The following NCAM1 variants were observed in gnomAD, a reference collection of about 807,000 sequenced individuals.
The protein encoded by NCAM1 is antigen recognized by monoclonal antibody 5.1H11.
NCAM1 carries 14 observed loss-of-function variants against 109.8 expected under a neutral mutation model. That is an observed-to-expected ratio of 0.13 (90% CI 0.08 to 0.20). The LOEUF is 0.20. NCAM1 is among the 10% of genes least tolerant of loss of function. The probability of loss-of-function intolerance (pLI) is 1.00; values close to 1 mark genes in which losing one functional copy is unlikely to be tolerated. For missense variants in NCAM1, 774 were observed against 1,109.9 expected, an observed-to-expected ratio of 0.70 and a Z score of 4.30; for synonymous variants, 418 against 442.9, an observed-to-expected ratio of 0.94 and a Z score of 0.70.
At chr11:113,040,101 C>G (rs2135416068) in intron 1 of NCAM1, among the ~76,000 whole-genome samples, 1 of 152,260 alleles carries the variant, frequency 6.6e-6, no homozygotes. Context: ...GAGATCGCGT[C>G]ACTGCACTCC....
At chr11:113,035,845 A>G (rs1253356193) in intron 1 of NCAM1, among the ~76,000 whole-genome samples, 1 of 152,176 alleles carries the variant, frequency 6.6e-6, no homozygotes, top group Non-Finnish European at 1.5e-5. Flanking sequence ...CATGTCAGGA[A>G]GGAATGTAGA....
intron 1 of NCAM1, among the ~76,000 whole-genome samples, chr11:113,097,799 A>G (rs1555090723): frequency 6.6e-6 from 1 of 152,138 alleles, no homozygotes; most frequent in Admixed American, 6.5e-5. Flanking sequence ...TGGGATTACT[A>G]CTATCATCAT....
At chr11:113,120,544 G>C (rs1192162535) in intron 1 of NCAM1, among the ~76,000 whole-genome samples, 2 of 152,128 alleles carry the variant, frequency 1.3e-5, no homozygotes, top group Non-Finnish European at 1.5e-5. Flanking sequence ...GCCACGCTTT[G>C]CACTGATTCA....
Position 112,961,554 on chromosome 11 carries a change from AG to A in NCAM1, c.-49del, listed in dbSNP as rs145493999. On this transcript the variant is annotated 5_prime_UTR_variant, in exon 1 of 20. Transcript: ENST00000316851. ...CTCAGCCGCCGTCCACACTCGCTGC[AG>A]GGGGGGGGGCACAGAATTTACCGCG... The A allele has an allele frequency of 0.011, 9,561 of 866,524 alleles. No homozygotes were observed. The highest frequency in any genetic ancestry group is 0.013 in the Non-Finnish European group (7,404 of 553,280). 53.7% of individuals were successfully genotyped at this position (866,524 alleles called of 1,614,324 possible). A position where few individuals can be genotyped will look rare whatever the true frequency, so the allele number is the denominator to read the frequency against.
chr11:113,066,003 G>A (rs559427650), intron 1 of NCAM1, among the ~76,000 whole-genome samples: 17 of 152,280 alleles, frequency 1.1e-4, no homozygotes, highest in South Asian at 2.1e-4. Context: ...AGAAGTGTGC[G>A]TGTGAACATT....
intron 1 of NCAM1, among the ~76,000 whole-genome samples, chr11:112,967,791 GT>G (rs1300675811): frequency 6.6e-6 from 1 of 152,186 alleles, no homozygotes; most frequent in Non-Finnish European, 1.5e-5. Context: ...GCAATTCCAT[GT>G]TGGTTGTGAA....
chr11:113,068,996 A>G (rs1221964545), intron 1 of NCAM1, among the ~76,000 whole-genome samples: 2 of 152,210 alleles, frequency 1.3e-5, no homozygotes, highest in Non-Finnish European at 2.9e-5. Context: ...ATGTCCCAGC[A>G]CATGGTACTT....
chr11:113,023,936 G>A (rs958301900), intron 1 of NCAM1, among the ~76,000 whole-genome samples: 2 of 152,096 alleles, frequency 1.3e-5, no homozygotes, highest in Non-Finnish European at 2.9e-5. Flanking sequence ...AAAAAAAATG[G>A]TAAATCACAG....
At chr11:113,027,488 C>A (rs12287147) in intron 1 of NCAM1, among the ~76,000 whole-genome samples, 28,621 of 152,132 alleles carry the variant, frequency 0.19, 3,040 homozygotes, top group East Asian at 0.27. Flanking sequence ...TGGTCTTCAT[C>A]AAGACCTTTA....
intron 15 of NCAM1, 114 bp from the exon 16 acceptor site, chr11:113,255,763 T>C: frequency 8.2e-7 from 1 of 1,225,558 alleles, no homozygotes; most frequent in Non-Finnish European, 1.1e-6. Context: ...CCATTTGAAT[T>C]TCTGAGAAAG....
Position 113,192,572 on chromosome 11 carries a change from A to G in NCAM1, c.53-9807A>G, listed in dbSNP as rs190832178. Reference sequence around the variant, plus strand: ...CAGCTTATTTAGCTGTGCTTAATAGAGCTATTCTCTCCCTTTAATGAGAGA... The same window carrying G: ...CAGCTTATTTAGCTGTGCTTAATAGGGCTATTCTCTCCCTTTAATGAGAGA... On this transcript the variant is annotated intron_variant, in intron 1 of 19. Transcript: ENST00000316851. 6.7e-4 allele frequency among the ~76,000 whole-genome samples: 102 copies of G among 152,302 alleles called. No homozygotes were observed. In the South Asian group the frequency reaches 0.011, roughly 17 times the overall value.
At chr11:112,982,913 A>C (rs1251927035) in intron 1 of NCAM1, among the ~76,000 whole-genome samples, 3 of 151,962 alleles carry the variant, frequency 2.0e-5, no homozygotes, top group African/African-American at 7.2e-5. Flanking sequence ...CGTTAGAGAC[A>C]TAAATCTGTA....
chr11:113,016,595 C>T (rs1253267136), intron 1 of NCAM1, among the ~76,000 whole-genome samples: 1 of 152,010 alleles, frequency 6.6e-6, no homozygotes, highest in African/African-American at 2.4e-5. Context: ...GGGCAGACAC[C>T]AGAGCCTTGT....
intron 1 of NCAM1, among the ~76,000 whole-genome samples, chr11:113,116,121 A>G (rs1057270293): frequency 6.6e-6 from 1 of 152,242 alleles, no homozygotes; most frequent in East Asian, 1.9e-4. Context: ...TCTTGTATGT[A>G]GTTGATATCT....
intron 1 of NCAM1, among the ~76,000 whole-genome samples, chr11:113,093,500 C>T (rs1175489030): frequency 6.6e-6 from 1 of 152,182 alleles, no homozygotes; most frequent in Non-Finnish European, 1.5e-5. Flanking sequence ...AACTCTCATT[C>T]AGCTGTGTTG....
chr11:113,275,274 C>G lies in NCAM1; in HGVS notation c.2464C>G (p.Pro822Ala), dbSNP rs1457508831. ...TTPLTEPEKG[P>A]VEAKPECQET... ...TTTCCTGATTCTCTGCAGGAAGGGC[C>G]CCGTAGAAGCAAAGCCAGAGTGCCA... The change falls in exon 20 of 20, where the codon CCC (proline) becomes GCC (alanine). Residue 822 changes from proline to alanine, a missense_variant. By Grantham distance (27) the Pro-to-Ala change is conservative. Coordinates refer to ENST00000316851, the MANE Select transcript of NCAM1 (RefSeq NM_181351.5). The G allele has an allele frequency of 1.2e-6, 2 of 1,613,622 alleles. No individual in the cohort carries two copies. Among genetic ancestry groups the G allele is most frequent in the Non-Finnish European group, 8.5e-7 (1 of 1,179,810 alleles).
intron 1 of NCAM1, among the ~76,000 whole-genome samples, chr11:113,098,747 C>T (rs782168417): frequency 2.0e-5 from 3 of 152,080 alleles, no homozygotes; most frequent in Non-Finnish European, 2.9e-5. Context: ...GAGCAAAGGT[C>T]CTGAGATGAG....
At chr11:113,181,475 G>A (rs555715469) in intron 1 of NCAM1, among the ~76,000 whole-genome samples, 5 of 152,166 alleles carry the variant, frequency 3.3e-5, no homozygotes, top group Non-Finnish European at 5.9e-5. Flanking sequence ...GTGAGAACAC[G>A]TGGACACATG....
intron 9 of NCAM1, among the ~76,000 whole-genome samples, chr11:113,228,622 C>T (rs1591438372): frequency 6.6e-6 from 1 of 152,152 alleles, no homozygotes; most frequent in African/African-American, 2.4e-5. Context: ...CCCGCATCAC[C>T]AAGTCAATCC....
Sources: allele counts gnomAD v4.1 joint callset (sites outside exome capture counted in the v4.1 genomes callset), GRCh38; gene constraint gnomAD v4.1.1; transcripts MANE v1.5; gene names NCBI Gene and HGNC (gene_info 2026-07-23, HGNC 2026-07-21).